ZBP1: variants seen among roughly 807,000 people sequenced by gnomAD.
ZBP1 encodes Z-DNA-binding protein 1.
In ZBP1, 42 loss-of-function variants were observed where a neutral mutation model predicts 41.1. The observed-to-expected ratio is 1.02, with a 90% CI of 0.80 to 1.32. ZBP1 has a LOEUF of 1.32. ZBP1 is among the 40% of genes most tolerant of loss of function. The pLI, the probability that ZBP1 is intolerant of heterozygous loss-of-function variation, is 0.00. For missense variants in ZBP1, 562 were observed against 549.7 expected (o/e 1.02, Z -0.22); for synonymous variants, 214 against 205.2 (o/e 1.04, Z -0.37).
At chr20:57,615,686 G>T in intron 2 of ZBP1, 106 bp from the exon 3 acceptor site, 1 of 935,668 alleles carries the variant, frequency 1.1e-6, no homozygotes. Flanking sequence ...AATGCCGGTA[G>T]TTGCAAACTC....
chr20:57,616,368 G>A lies in ZBP1; in HGVS notation c.135C>T (p.Leu45=). The change falls in exon 2 of 8, where the codon CTC becomes CTT. Residue 45 remains leucine (L), a synonymous_variant. Transcript: ENST00000371173. The part of the protein sequence containing the change: ...VKECQAPKRE[L]NQVLYRMKKE... ...TTTTCATTCGGTAGAGGACTTGGTTGAGCTCCCTCTTGGGTGCTTGGCATT... is the reference window on the plus strand; with the variant it reads ...TTTTCATTCGGTAGAGGACTTGGTTAAGCTCCCTCTTGGGTGCTTGGCATT... The A allele has an allele frequency of 6.2e-7, 1 of 1,614,210 alleles. No individual in the cohort carries two copies. Among genetic ancestry groups the A allele is most frequent in the Non-Finnish European group, 8.5e-7 (1 of 1,180,040 alleles).
chr20:57,615,305 G>A, intron 3 of ZBP1: 1 of 691,066 alleles, frequency 1.4e-6, no homozygotes, highest in Non-Finnish European at 2.5e-6. Context: ...GTCAGCTATT[G>A]TCTGACTGGA....
chr20:57,619,678 A>G (rs935798998), intron 1 of ZBP1, among the ~76,000 whole-genome samples: 16 of 152,106 alleles, frequency 1.1e-4, no homozygotes, highest in African/African-American at 3.6e-4. Flanking sequence ...TGTTACCCTG[A>G]GAGTGTCATT....
At chr20:57,607,027 C>G in intron 7 of ZBP1, 2 of 1,281,568 alleles carry the variant, frequency 1.6e-6, no homozygotes, top group Non-Finnish European at 2.0e-6. Context: ...TTCTGCAGCC[C>G]ATGGATTAAG....
intron 2 of ZBP1, 160 bp downstream of exon 2, chr20:57,616,084 A>T: frequency 1.4e-6 from 1 of 711,758 alleles, no homozygotes; most frequent in Non-Finnish European, 2.3e-6. Flanking sequence ...CCCTGCTGTG[A>T]GCTCCATCAA....
In ZBP1 at chr20:57,606,537, A is replaced by G. The variant is rs551167391; in HGVS notation, c.1094-1768T>C. Reference sequence around the variant, plus strand: ...GTAGATGAAACAGCCTTCTATTGAAAAAAGATGTCATCTAGAACTTTCATA... The same window carrying G: ...GTAGATGAAACAGCCTTCTATTGAAGAAAGATGTCATCTAGAACTTTCATA... On this transcript the variant is annotated intron_variant, in intron 7 of 7. Coordinates refer to ENST00000371173, the MANE Select transcript of ZBP1 (RefSeq NM_030776.3). Among the ~76,000 whole-genome samples, 54 of 152,386 alleles carry G rather than the reference A, an allele frequency of 3.5e-4. 1 individual carries two copies. Among genetic ancestry groups the G allele is most frequent in the Admixed American group, 3.3e-4 (5 of 15,306 alleles).
chr20:57,604,455 T>G lies in ZBP1; in HGVS notation c.*118A>C. Reference sequence around the variant, plus strand: ...TTCCCCCAAAACTGATTCATGCAGGTTATGTCTGGAAGCAAGCAGGTCAAA... The same window carrying G: ...TTCCCCCAAAACTGATTCATGCAGGGTATGTCTGGAAGCAAGCAGGTCAAA... On this transcript the variant is annotated 3_prime_UTR_variant, in exon 8 of 8. Coordinates refer to ENST00000371173, the MANE Select transcript of ZBP1 (RefSeq NM_030776.3). The G allele has an allele frequency of 7.7e-7, 1 of 1,295,982 alleles. No individual in the cohort carries two copies. Among genetic ancestry groups the G allele is most frequent in the Non-Finnish European group, 1.1e-6 (1 of 899,456 alleles). The allele number at this position is 1,295,982 out of a possible 1,614,324, so 80.3% of individuals were successfully genotyped here.
intron 1 of ZBP1, among the ~76,000 whole-genome samples, chr20:57,619,763 C>T (rs1217203976): frequency 1.3e-5 from 2 of 151,954 alleles, no homozygotes; most frequent in Non-Finnish European, 2.9e-5. Context: ...TCAGGAAATG[C>T]TTGGAAAGCA....
In ZBP1 at chr20:57,604,645, G is replaced by T; in HGVS notation, c.1218C>A (p.His406Gln). 1 of 1,614,182 alleles carries T rather than the reference G, an allele frequency of 6.2e-7. No homozygotes were observed. The highest frequency in any genetic ancestry group is 8.5e-7 in the Non-Finnish European group (1 of 1,180,034). Residue 406 changes from histidine to glutamine, a missense_variant, in exon 8 of 8, where the codon CAC becomes CAA. Coordinates refer to ENST00000371173, the MANE Select transcript of ZBP1 (RefSeq NM_030776.3). ...LETMTLGNRS[H>Q]KAAEGSHYVD... ...CATAGTGGCTGCCTTCTGCAGCTTT[G>T]TGACTCCTGTTTCCAAGAGTCATAG...
At chr20:57,612,684 G>A (rs2070705729) in intron 5 of ZBP1, among the ~76,000 whole-genome samples, 1 of 152,162 alleles carries the variant, frequency 6.6e-6, no homozygotes, top group Admixed American at 6.5e-5. Context: ...TCCAAACTAG[G>A]ATGCCACAGG....
Position 57,613,024 on chromosome 20 carries a change from AC to A in ZBP1, c.670+138del. 6.0e-6 allele frequency: 9 copies of A among 1,506,892 alleles called. No homozygotes were observed. The highest frequency in any genetic ancestry group is 8.0e-6 in the Non-Finnish European group (9 of 1,128,122). 93.3% of individuals were successfully genotyped at this position (1,506,892 alleles called of 1,614,324 possible). On this transcript the variant is annotated intron_variant, in intron 5 of 7. Coordinates refer to ENST00000371173, the MANE Select transcript of ZBP1 (RefSeq NM_030776.3). This position sits in a 1 kb window ranked among gnomAD's most constrained non-coding sequence, Gnocchi z 4.5. ...ATTCTCAGGACGGCCGTAAAGGTGG[AC>A]TGTGGGGGTCTGGAAGCAACCCTTT...
Position 57,610,425 on chromosome 20 carries a change from C to T in ZBP1, c.875-58G>A. The T allele has an allele frequency of 1.3e-6, 2 of 1,580,474 alleles. No individual in the cohort carries two copies. Among genetic ancestry groups the T allele is most frequent in the Non-Finnish European group, 1.7e-6 (2 of 1,152,026 alleles). ...GGAGCAGCTGGACAGTGGCCGGGAA[C>T]CCTGACCCCCAGCCTGGTTCACCCT... is the stretch of plus-strand genomic sequence containing the variant. On this transcript the variant is annotated intron_variant, in intron 6 of 7. Coordinates refer to ENST00000371173, the MANE Select transcript of ZBP1 (RefSeq NM_030776.3). This position sits in a 1 kb window ranked among gnomAD's most constrained non-coding sequence, Gnocchi z 5.5.
In ZBP1 at chr20:57,610,487, C is replaced by T; in HGVS notation, c.875-120G>A. 1 of 1,010,266 alleles carries T rather than the reference C, an allele frequency of 9.9e-7. No homozygotes were observed. The highest frequency in any genetic ancestry group is 1.5e-6 in the Non-Finnish European group (1 of 678,092). 62.6% of individuals were successfully genotyped at this position (1,010,266 alleles called of 1,614,324 possible). On this transcript the variant is annotated intron_variant, in intron 6 of 7. Coordinates refer to ENST00000371173, the MANE Select transcript of ZBP1 (RefSeq NM_030776.3). The surrounding 1 kb of genome is among the most constrained non-coding windows in gnomAD (Gnocchi z 5.5). ...CTCCCACCAGTGGCCCACACCATCC[C>T]AGGAGCACAGCCTGTGCCTGCCCGC...
intron 3 of ZBP1, chr20:57,615,271 G>T: frequency 1.5e-6 from 1 of 683,552 alleles, no homozygotes; most frequent in Non-Finnish European, 2.5e-6. Flanking sequence ...GCTGGGCCTG[G>T]CATGTGGCGG....
At chr20:57,616,107 AC>A in intron 2 of ZBP1, 136 bp downstream of exon 2, 1 of 747,862 alleles carries the variant, frequency 1.3e-6, no homozygotes. Flanking sequence ...AGAAAAAGAA[AC>A]CAAGGCACAG....
chr20:57,619,989 A>G (rs1214435080), intron 1 of ZBP1, among the ~76,000 whole-genome samples: 1 of 152,144 alleles, frequency 6.6e-6, no homozygotes, highest in Non-Finnish European at 1.5e-5. Context: ...GGCATGCGCC[A>G]CCATGCCCGG....
chr20:57,615,612 G>A, intron 2 of ZBP1, 32 bp from the exon 3 acceptor site: 1 of 1,596,364 alleles, frequency 6.3e-7, no homozygotes, highest in Non-Finnish European at 8.5e-7. Flanking sequence ...AGAGGGGTGG[G>A]GGACAGAAGA....
chr20:57,610,231 G>T lies in ZBP1; in HGVS notation c.1011C>A (p.Ser337Arg), dbSNP rs780039926. Reference protein sequence around the residue: ...CFLEDATIGNSNKMSISPGVA... With the variant: ...CFLEDATIGNRNKMSISPGVA... ...CCCCTGGGCTGATAGACATTTTGTT[G>T]CTGTTGCCGATGGTGGCGTCCTCGA... The change falls in exon 7 of 8, where the codon AGC becomes AGA. Residue 337 changes from serine to arginine, a missense_variant. Physicochemically the swap from Ser to Arg is moderately radical, Grantham distance 110. Transcript: ENST00000371173. The surrounding 1 kb of genome is among the most constrained non-coding windows in gnomAD (Gnocchi z 5.5). 6.2e-7 allele frequency: 1 copy of T among 1,614,186 alleles called. No homozygotes were observed. The highest frequency in any genetic ancestry group is 1.1e-5 in the South Asian group (1 of 91,084).
In ZBP1 at chr20:57,613,272, G is replaced by A. The variant is rs1297238382; in HGVS notation, c.561C>T (p.Asn187=). The stretch of plus-strand genomic sequence containing the variant: ...TGTTGGGTCCATTCTGGCAGATCAT[G>A]TTGATTGGATTGTGCTGGTAAATAA... ...ASIIYQHNPI[N]MICQNGPNSW... Residue 187 remains asparagine, a synonymous_variant, in exon 5 of 8, where the codon AAC becomes AAT. Transcript: ENST00000371173. This position sits in a 1 kb window ranked among gnomAD's most constrained non-coding sequence, Gnocchi z 4.5. 1.9e-6 allele frequency: 3 copies of A among 1,614,278 alleles called. No homozygotes were observed. The highest frequency in any genetic ancestry group is 2.5e-6 in the Non-Finnish European group (3 of 1,180,054).
Sources: gnomAD v4.1 joint callset for allele counts (sites outside exome capture counted in the v4.1 genomes callset) on GRCh38, gnomAD v4.1.1 for gene constraint, Gnocchi (gnomAD v3.1) non-coding constraint, MANE v1.5 for transcripts, NCBI Gene and HGNC (gene_info 2026-07-23, HGNC 2026-07-21) for gene names.